CCDC198: variants seen among roughly 807,000 people sequenced by gnomAD.
CCDC198 encodes factor associated with metabolism and energy.
A neutral mutation model predicts 35.6 loss-of-function variants in CCDC198; 18 were observed. The ratio of observed to expected loss-of-function variants is 0.51; its 90% CI spans 0.35 to 0.75. The LOEUF (loss-of-function observed/expected upper bound fraction) is 0.75, where lower values mean the gene tolerates loss of function less well. Ranked by LOEUF, CCDC198 falls within the 30% of genes least tolerant of loss-of-function variation. The probability of loss-of-function intolerance (pLI) is 0.01; values close to 1 mark genes in which losing one functional copy is unlikely to be tolerated. For synonymous variants in CCDC198, 119 were observed against 113.4 expected, an observed-to-expected ratio of 1.05 and a Z score of -0.31; for missense variants, 365 against 343.7, an observed-to-expected ratio of 1.06 and a Z score of -0.49.
At chr14:57,481,754 TAATC>T (rs1824469681) in intron 3 of CCDC198, 94 bp from the exon 4 acceptor site, 4 of 766,750 alleles carry the variant, frequency 5.2e-6, no homozygotes, top group Non-Finnish European at 6.6e-6. Context: ...AGTCAGATCT[TAATC>T]AGTCATAACC....
chr14:57,479,981 G>A (rs2067128840), intron 5 of CCDC198, among the ~76,000 whole-genome samples: 1 of 152,168 alleles, frequency 6.6e-6, no homozygotes, highest in Admixed American at 6.5e-5. Context: ...TACTGGGAAT[G>A]GAAGAGAAAG....
intron 4 of CCDC198, 100 bp from the exon 5 acceptor site, chr14:57,480,854 T>C: frequency 2.5e-6 from 3 of 1,196,956 alleles, no homozygotes; most frequent in Non-Finnish European, 2.4e-6. Flanking sequence ...TGCTTATCTG[T>C]AGACATCTGC....
At position 57,470,775 on chromosome 14, in the gene CCDC198, T is replaced by G. The variant is rs534943104; in HGVS notation, c.*580A>C. 1 of 152,484 alleles carries G rather than the reference T, an allele frequency of 6.6e-6. No individual in the cohort carries two copies. Among genetic ancestry groups the G allele is most frequent in the Non-Finnish European group, 1.5e-5 (1 of 68,202 alleles). 9.4% of individuals were successfully genotyped at this position (152,484 alleles called of 1,614,324 possible). A position where few individuals can be genotyped will look rare whatever the true frequency, so the allele number is the denominator to read the frequency against. On this transcript the variant is annotated 3_prime_UTR_variant, in exon 6 of 6. Transcript: ENST00000216445. Reference sequence around the variant, plus strand: ...CTCTTCTGCATTAACTCCAAGCTGGTCTATGACTTTAACCAACAGAACATG... The same window carrying G: ...CTCTTCTGCATTAACTCCAAGCTGGGCTATGACTTTAACCAACAGAACATG...
At position 57,493,659 on chromosome 14, in the gene CCDC198, T is replaced by G. The variant is rs769993019; in HGVS notation, c.57A>C (p.Gln19His). ...CCGAGGGAGTCTCTACCTCTTTGTT[T>G]TGCAAAGGTGCTACTTTGATCACCC... ...HLRVIKVAPLQNKEVETPSAG... is the reference protein window; with the variant it reads ...HLRVIKVAPLHNKEVETPSAG... Residue 19 changes from glutamine (Q) to histidine (H), a missense_variant, in exon 1 of 6, where the codon CAA becomes CAC. By Grantham distance (24) the Gln-to-His change is conservative. Transcript: ENST00000216445. 6.2e-7 allele frequency: 1 copy of G among 1,613,914 alleles called. No individual in the cohort carries two copies. Among genetic ancestry groups the G allele is most frequent in the East Asian group, 2.2e-5 (1 of 44,876 alleles).
At position 57,475,298 on chromosome 14, in the gene CCDC198, A is replaced by C. The variant is rs137970183; in HGVS notation, c.656-3708T>G. The C allele has an allele frequency of 5.1e-5, 40 of 788,370 alleles. No individual in the cohort carries two copies. The African/African-American group carries it at 6.6e-4, about 13-fold the overall frequency. 48.8% of individuals were successfully genotyped at this position (788,370 alleles called of 1,614,324 possible). A position where few individuals can be genotyped will look rare whatever the true frequency, so the allele number is the denominator to read the frequency against. On this transcript the variant is annotated intron_variant, in intron 5 of 5. Transcript: ENST00000216445. ...TAAATAAATAAATAAATAAATAAAT[A>C]AAATCTATAAAAAAATAAAATAAAA...
intron 5 of CCDC198, among the ~76,000 whole-genome samples, chr14:57,474,341 A>G (rs1168864125): frequency 1.3e-5 from 2 of 152,208 alleles, no homozygotes; most frequent in Non-Finnish European, 2.9e-5. Flanking sequence ...CTGCTCTGCA[A>G]ATTAGTCAAG....
At chr14:57,477,977 C>T (rs997179417) in intron 5 of CCDC198, among the ~76,000 whole-genome samples, 1 of 152,134 alleles carries the variant, frequency 6.6e-6, no homozygotes, top group African/African-American at 2.4e-5. Flanking sequence ...GGATTACAGG[C>T]ATGACTGGGT....
rs2066780069 is a variant in CCDC198, at chr14:57,469,515, C to T, written c.*1840G>A. The T allele has an allele frequency of 6.6e-6, 1 of 152,176 alleles. No homozygotes were observed. Among genetic ancestry groups the T allele is most frequent in the Non-Finnish European group, 1.5e-5 (1 of 68,032 alleles). 9.4% of individuals were successfully genotyped at this position (152,176 alleles called of 1,614,324 possible). A position where few individuals can be genotyped will look rare whatever the true frequency, so the allele number is the denominator to read the frequency against. ...CACTAATTTTAGTGTTCAAAGTTAT[C>T]CATCCCATTTTTTGTGTTTTAAGCC... On this transcript the variant is annotated 3_prime_UTR_variant, in exon 6 of 6. Transcript: ENST00000216445.
At chr14:57,489,254 T>C (rs2067477724) in intron 2 of CCDC198, among the ~76,000 whole-genome samples, 1 of 152,168 alleles carries the variant, frequency 6.6e-6, no homozygotes, top group African/African-American at 2.4e-5. Context: ...GCCATTATCC[T>C]CAGCAAAACT....
intron 1 of CCDC198, 104 bp downstream of exon 1, chr14:57,493,389 C>T: frequency 1.0e-6 from 1 of 988,894 alleles, no homozygotes; most frequent in Non-Finnish European, 1.5e-6. Context: ...CTTTACATTT[C>T]AGGAATTTAG....
At chr14:57,482,721 A>T (rs1308366853) in intron 3 of CCDC198, among the ~76,000 whole-genome samples, 1 of 152,186 alleles carries the variant, frequency 6.6e-6, no homozygotes, top group East Asian at 1.9e-4. Flanking sequence ...GAGGGGAGGA[A>T]TGAAAGGGAG....
chr14:57,469,697 G>C lies in CCDC198; in HGVS notation c.*1658C>G, dbSNP rs961424263. On this transcript the variant is annotated 3_prime_UTR_variant, in exon 6 of 6. Transcript: ENST00000216445. ...TTACCTACCACAGAAAAAGTAAGAAGACTACTCACAAAGAACTGGGAATAG... is the reference window on the plus strand; with the variant it reads ...TTACCTACCACAGAAAAAGTAAGAACACTACTCACAAAGAACTGGGAATAG... 23 of 152,302 alleles carry C rather than the reference G, an allele frequency of 1.5e-4. No homozygotes were observed. Among genetic ancestry groups the C allele is most frequent in the African/African-American group, 5.5e-4 (23 of 41,574 alleles). 9.4% of individuals were successfully genotyped at this position (152,302 alleles called of 1,614,324 possible). A position where few individuals can be genotyped will look rare whatever the true frequency, so the allele number is the denominator to read the frequency against.
intron 5 of CCDC198, chr14:57,475,479 T>A: frequency 8.2e-7 from 1 of 1,218,470 alleles, no homozygotes; most frequent in Non-Finnish European, 1.1e-6. Flanking sequence ...CTCATGCCTG[T>A]AATCGGATCA....
intron 2 of CCDC198, among the ~76,000 whole-genome samples, chr14:57,486,823 C>T (rs1033624205): frequency 2.6e-5 from 4 of 152,124 alleles, no homozygotes; most frequent in African/African-American, 9.7e-5. Context: ...TTCAGCCTTT[C>T]TATTTAAACA....
rs1430388132 is a variant in CCDC198, at chr14:57,483,177, C to T, written c.307-26G>A. ...CTAGAAGTTCAACGTTTAGAGCAGT[C>T]AGCATTCCTCATGCCATGAGATGAT... On this transcript the variant is annotated intron_variant, in intron 2 of 5. Transcript: ENST00000216445. The T allele has an allele frequency of 4.3e-6, 7 of 1,613,786 alleles. No individual in the cohort carries two copies. The Admixed American group carries it at 1.2e-4, about 27-fold the overall frequency.
intron 2 of CCDC198, among the ~76,000 whole-genome samples, chr14:57,483,806 G>T (rs2067267088): frequency 6.6e-6 from 1 of 152,184 alleles, no homozygotes; most frequent in Admixed American, 6.5e-5. Flanking sequence ...GCAGGTTTGG[G>T]AGACAAAGTC....
chr14:57,475,785 CTTCTTTTTTTT>C, intron 5 of CCDC198: 3 of 165,724 alleles, frequency 1.8e-5, no homozygotes, highest in Non-Finnish European at 3.4e-5. Flanking sequence ...CGGCACTTAG[CTTCTTTTTTTT>C]TTTTTTTTTT....
At position 57,478,753 on chromosome 14, in the gene CCDC198, T is replaced by C. The variant is rs974652571; in HGVS notation, c.655+1842A>G. ...TATTTCATTCTGAGACTTGGAAGTA[T>C]AGGTTAAATAGATGCCCCAAGTAGA... On this transcript the variant is annotated intron_variant, in intron 5 of 5. Coordinates refer to ENST00000216445, the MANE Select transcript of CCDC198 (RefSeq NM_018168.4). The C allele has an allele frequency of 3.7e-6, 4 of 1,069,510 alleles. No individual in the cohort carries two copies. The African/African-American group carries it at 6.5e-5, about 18-fold the overall frequency. The allele number at this position is 1,069,510 out of a possible 1,614,324, so 66.3% of individuals were successfully genotyped here.
rs113695797 is a variant in CCDC198, at chr14:57,479,902, G to A, written c.655+693C>T. 4.7e-3 allele frequency among the ~76,000 whole-genome samples: 715 copies of A among 152,286 alleles called. 6 individuals carry two copies. The highest frequency in any genetic ancestry group is 0.016 in the African/African-American group (678 of 41,566). On this transcript the variant is annotated intron_variant, in intron 5 of 5. Transcript: ENST00000216445. ...GGATGGACAGTAAGACCTAATGGGAGGGGCCAAGTCAGGAGGCTGTAGCTG... is the reference window on the plus strand; with the variant it reads ...GGATGGACAGTAAGACCTAATGGGAAGGGCCAAGTCAGGAGGCTGTAGCTG...
Sources: gnomAD v4.1 joint callset for allele counts (sites outside exome capture counted in the v4.1 genomes callset) on GRCh38, gnomAD v4.1.1 for gene constraint, MANE v1.5 for transcripts, NCBI Gene and HGNC (gene_info 2026-07-23, HGNC 2026-07-21) for gene names.